The following RPH3A variants were observed in gnomAD, a reference collection of about 807,000 sequenced individuals.
RPH3A encodes rabphilin-3A.
A neutral mutation model predicts 102.2 loss-of-function variants in RPH3A; 48 were observed. That is an observed-to-expected ratio of 0.47 (90% CI 0.37 to 0.60). The LOEUF (loss-of-function observed/expected upper bound fraction) is 0.60. RPH3A is among the 20% of genes least tolerant of loss of function. The pLI, the probability that RPH3A is intolerant of heterozygous loss-of-function variation, is 0.00. For missense variants in RPH3A, 781 were observed against 910.1 expected (o/e 0.86, Z 1.83); for synonymous variants, 310 against 324.3 (o/e 0.96, Z 0.47).
intron 1 of RPH3A, among the ~76,000 whole-genome samples, chr12:112,617,141 T>G (rs2039686407): frequency 6.6e-6 from 1 of 152,198 alleles, no homozygotes; most frequent in Non-Finnish European, 1.5e-5. Flanking sequence ...ACATCTCTGC[T>G]CCCGGTTTGT....
intron 1 of RPH3A, among the ~76,000 whole-genome samples, chr12:112,730,366 CA>C (rs1194566473): frequency 3.3e-5 from 5 of 152,222 alleles, no homozygotes; most frequent in Non-Finnish European, 7.3e-5. Flanking sequence ...TTAGCCCCAT[CA>C]GGGGTAGCCT....
At chr12:112,640,127 C>T (rs1566238581) in intron 1 of RPH3A, among the ~76,000 whole-genome samples, 1 of 151,108 alleles carries the variant, frequency 6.6e-6, no homozygotes, top group Non-Finnish European at 1.5e-5. Context: ...TCCAGAACAG[C>T]CTGACCAACA....
intron 1 of RPH3A, among the ~76,000 whole-genome samples, chr12:112,745,329 A>G (rs1456577138): frequency 6.6e-6 from 1 of 152,206 alleles, no homozygotes; most frequent in Non-Finnish European, 1.5e-5. Flanking sequence ...GTAAAGATAC[A>G]GTTTCCCCCT....
At chr12:112,605,531 C>T (rs2039590160) in intron 1 of RPH3A, among the ~76,000 whole-genome samples, 2 of 152,202 alleles carry the variant, frequency 1.3e-5, no homozygotes, top group Non-Finnish European at 2.9e-5. Flanking sequence ...GTTGGACATG[C>T]CCATAGTTCT....
At chr12:112,827,550 A>G (rs1333462073) in intron 2 of RPH3A, among the ~76,000 whole-genome samples, 1 of 152,248 alleles carries the variant, frequency 6.6e-6, no homozygotes, top group Admixed American at 6.5e-5. Context: ...AGTCAATTGC[A>G]TTAAGTCAGG....
At chr12:112,686,937 C>T (rs148886124) in intron 1 of RPH3A, among the ~76,000 whole-genome samples, 85 of 152,174 alleles carry the variant, frequency 5.6e-4, no homozygotes, top group African/African-American at 1.8e-3. Flanking sequence ...TTTGCGACAC[C>T]GTCTCTGCCA....
At chr12:112,687,407 G>C (rs2040273397) in intron 1 of RPH3A, among the ~76,000 whole-genome samples, 1 of 152,180 alleles carries the variant, frequency 6.6e-6, no homozygotes, top group South Asian at 2.1e-4. Context: ...GAAAGGGGCT[G>C]TAGTGGCCAG....
At chr12:112,733,198 C>G (rs374254732) in intron 1 of RPH3A, among the ~76,000 whole-genome samples, 2 of 152,114 alleles carry the variant, frequency 1.3e-5, no homozygotes, top group African/African-American at 4.8e-5. Flanking sequence ...CACACACACC[C>G]GTACACACAC....
chr12:112,892,594 G>A (rs2043117171), intron 19 of RPH3A, among the ~76,000 whole-genome samples: 1 of 152,204 alleles, frequency 6.6e-6, no homozygotes, highest in Non-Finnish European at 1.5e-5. Context: ...ACACTTGTGG[G>A]AAGCGTGGCT....
chr12:112,752,264 A>C (rs2040790199), intron 1 of RPH3A, among the ~76,000 whole-genome samples: 1 of 152,152 alleles, frequency 6.6e-6, no homozygotes, highest in African/African-American at 2.4e-5. Flanking sequence ...TTTCCCACAA[A>C]TGGTATGGCT....
Position 112,729,139 on chromosome 12 carries a change from G to A in RPH3A, c.-139-63004G>A, listed in dbSNP as rs139592616. ...GTCTTAGTTGGTCTGATTACAAAGG[G>A]AACTTTTTTTTTTTTTTGAGATAGG... is the stretch of plus-strand genomic sequence containing the variant. On this transcript the variant is annotated intron_variant, in intron 1 of 21. Transcript: ENST00000543106. Among the ~76,000 whole-genome samples, 266 of 152,000 alleles carry A rather than the reference G, an allele frequency of 1.8e-3. 1 individual carries two copies. The highest frequency in any genetic ancestry group is 5.7e-3 in the African/African-American group (236 of 41,472).
At chr12:112,604,018 C>A (rs2039576863) in intron 1 of RPH3A, among the ~76,000 whole-genome samples, 1 of 152,186 alleles carries the variant, frequency 6.6e-6, no homozygotes. Context: ...TTATCTGGAA[C>A]CCCAAGGTAG....
At chr12:112,639,233 C>T (rs1286133565) in intron 1 of RPH3A, among the ~76,000 whole-genome samples, 1 of 152,134 alleles carries the variant, frequency 6.6e-6, no homozygotes, top group Non-Finnish European at 1.5e-5. Context: ...TGTGTTTACA[C>T]TCTGGTACTT....
At chr12:112,783,922 G>A (rs1439789270) in intron 1 of RPH3A, among the ~76,000 whole-genome samples, 2 of 152,218 alleles carry the variant, frequency 1.3e-5, no homozygotes, top group Non-Finnish European at 2.9e-5. Flanking sequence ...CCACAGCAGA[G>A]ATGAGGAATC....
intron 4 of RPH3A, among the ~76,000 whole-genome samples, chr12:112,847,325 C>T (rs946567530): frequency 3.3e-5 from 5 of 152,190 alleles, no homozygotes; most frequent in African/African-American, 1.2e-4. Context: ...CCCCAAAAGC[C>T]ATCTCTCTGC....
At chr12:112,752,363 T>A (rs1356219150) in intron 1 of RPH3A, among the ~76,000 whole-genome samples, 9 of 152,194 alleles carry the variant, frequency 5.9e-5, no homozygotes, top group Non-Finnish European at 1.2e-4. Context: ...AGAAACTTAT[T>A]ACTTAGTTTC....
intron 1 of RPH3A, among the ~76,000 whole-genome samples, chr12:112,628,213 C>T (rs2039779473): frequency 6.6e-6 from 1 of 151,840 alleles, no homozygotes; most frequent in African/African-American, 2.4e-5. Flanking sequence ...GGAGAAAGTT[C>T]GAGAGTGAGG....
Position 112,636,126 on chromosome 12 carries a change from T to G in RPH3A, c.-140+60807T>G, listed in dbSNP as rs562108881. ...CTCTACAATGGCCAAGCTCTTTCTA[T>G]CTTGTTGCTTAGCACTTGAAACATT... On this transcript the variant is annotated intron_variant, in intron 1 of 21. Transcript: ENST00000543106. 2.0e-5 allele frequency among the ~76,000 whole-genome samples: 3 copies of G among 152,352 alleles called. No homozygotes were observed. The East Asian group carries it at 5.8e-4, about 29-fold the overall frequency.
At chr12:112,847,190 A>T (rs1004273875) in intron 4 of RPH3A, among the ~76,000 whole-genome samples, 2 of 152,224 alleles carry the variant, frequency 1.3e-5, no homozygotes, top group Non-Finnish European at 2.9e-5. Context: ...AAAAGAACAC[A>T]AGATAGAACC....
Sources: gnomAD v4.1 joint callset for allele counts (sites outside exome capture counted in the v4.1 genomes callset) on GRCh38, gnomAD v4.1.1 for gene constraint, MANE v1.5 for transcripts, NCBI Gene and HGNC (gene_info 2026-07-23, HGNC 2026-07-21) for gene names.